BBS12: variants seen among roughly 807,000 people sequenced by gnomAD.
The protein encoded by BBS12 is Bardet-Biedl syndrome 12.
BBS12 carries 5 observed loss-of-function variants against 5.6 expected under a neutral mutation model. That is an observed-to-expected ratio of 0.89 (90% CI 0.46 to 1.86). BBS12 has a LOEUF of 1.86. Ranked by LOEUF, BBS12 falls within the 40% of genes most tolerant of loss-of-function variation. The probability of loss-of-function intolerance (pLI) is 0.01; values close to 1 mark genes in which losing one functional copy is unlikely to be tolerated. For missense variants in BBS12, 748 were observed against 830.4 expected, an observed-to-expected ratio of 0.90 and a Z score of 1.22; for synonymous variants, 308 against 306.8, an observed-to-expected ratio of 1.00 and a Z score of -0.04.
the BBS12 span, among the ~76,000 whole-genome samples, chr4:122,719,041 G>A: frequency 2.6e-5 from 4 of 152,028 alleles, no homozygotes; most frequent in South Asian, 4.1e-4. Flanking sequence ...GGATGGTCTC[G>A]ATCTCCTGAC....
At chr4:122,711,369 A>C in the BBS12 span, among the ~76,000 whole-genome samples, 1 of 152,152 alleles carries the variant, frequency 6.6e-6, no homozygotes, top group Non-Finnish European at 1.5e-5. Context: ...GAAAAAAAAA[A>C]AAAAAGGAAG....
chr4:122,734,290 G>A (rs976322161), intron 1 of BBS12, among the ~76,000 whole-genome samples: 4 of 150,460 alleles, frequency 2.7e-5, no homozygotes, highest in Non-Finnish European at 4.4e-5. Context: ...TTTTGAGACC[G>A]AGTCCTGCTC....
the BBS12 span, among the ~76,000 whole-genome samples, chr4:122,716,704 T>A: frequency 7.6e-6 from 1 of 131,690 alleles, no homozygotes; most frequent in Non-Finnish European, 1.6e-5. Flanking sequence ...TGTGTGTGTA[T>A]ACATACACAT....
the BBS12 span, among the ~76,000 whole-genome samples, chr4:122,721,111 CA>C: frequency 6.6e-6 from 1 of 151,932 alleles, no homozygotes; most frequent in Non-Finnish European, 1.5e-5. Context: ...AAATATTATT[CA>C]AAAAAGGAGG....
chr4:122,702,158 G>A, the BBS12 span, among the ~76,000 whole-genome samples: 2 of 152,142 alleles, frequency 1.3e-5, no homozygotes, highest in Non-Finnish European at 2.9e-5. Flanking sequence ...GCTCACTGCA[G>A]CCTTGAACTT....
upstream of BBS12, chr4:122,730,956 C>T (rs1800689458): frequency 6.6e-6 from 1 of 151,960 alleles, no homozygotes; most frequent in South Asian, 2.1e-4. Context: ...CTTTTTTACT[C>T]TTTTAAAAAA....
rs765761292 is a variant in BBS12, at chr4:122,742,055, A to C, written c.163A>C (p.Arg55=). The C allele has an allele frequency of 6.2e-7, 1 of 1,614,172 alleles. No homozygotes were observed. The highest frequency in any genetic ancestry group is 8.5e-7 in the Non-Finnish European group (1 of 1,180,012). The change falls in exon 2 of 2, where the codon AGG becomes CGG. Residue 55 remains arginine, a synonymous_variant. Transcript: ENST00000314218. ...AAGTGTATTAATCAGTTCAACAGTA[A>C]GGCTTCTTGAAAGTTTGGATTTAAC... ...HESVLISSTV[R]LLESLDLTSA...
At chr4:122,708,858 C>A in the BBS12 span, among the ~76,000 whole-genome samples, 1 of 143,304 alleles carries the variant, frequency 7.0e-6, no homozygotes. Context: ...TACAGCAAGT[C>A]AAAAAGCTGT....
At position 122,743,516 on chromosome 4, in the gene BBS12, G is replaced by C; in HGVS notation, c.1624G>C (p.Val542Leu). ...AAAGGTCTTCCTTGGAGGTGGTGCA[G>C]TTGAATTTTTGTGTCTTAGCTGTCT... is the stretch of plus-strand genomic sequence containing the variant. ...EEKVFLGGGA[V>L]EFLCLSCLHI... Residue 542 changes from valine (V) to leucine (L), a missense_variant, in exon 2 of 2, where the codon GTT becomes CTT. By Grantham distance (32) the Val-to-Leu change is conservative. Coordinates refer to ENST00000314218, the MANE Select transcript of BBS12 (RefSeq NM_152618.3). 5.0e-6 allele frequency: 8 copies of C among 1,614,236 alleles called. No individual in the cohort carries two copies. The highest frequency in any genetic ancestry group is 6.8e-6 in the Non-Finnish European group (8 of 1,180,036).
At chr4:122,739,846 T>A (rs751695723) in intron 1 of BBS12, among the ~76,000 whole-genome samples, 1 of 152,240 alleles carries the variant, frequency 6.6e-6, no homozygotes, top group Non-Finnish European at 1.5e-5. Flanking sequence ...ATGCCCCCGC[T>A]CCCTTTAAGG....
the BBS12 span, among the ~76,000 whole-genome samples, chr4:122,716,641 ACACGTGTGTGTATATGCACATAC>A: frequency 5.0e-3 from 454 of 91,328 alleles, 14 homozygotes; most frequent in African/African-American, 0.015. Context: ...ATGTATATAC[ACACGTGTGTGTATATGCACATAC>A]ACATATGTGT....
the BBS12 span, among the ~76,000 whole-genome samples, chr4:122,724,707 T>C: frequency 6.6e-6 from 1 of 152,190 alleles, no homozygotes; most frequent in Non-Finnish European, 1.5e-5. Flanking sequence ...AATCACAAAG[T>C]CCTGAATATG....
chr4:122,733,062 C>G (rs1286825869), intron 1 of BBS12, among the ~76,000 whole-genome samples, 178 bp downstream of exon 1: 1 of 152,140 alleles, frequency 6.6e-6, no homozygotes, highest in Non-Finnish European at 1.5e-5. Context: ...GAAGAGGGGA[C>G]TGCCCTTTCT....
chr4:122,737,115 G>C (rs1035958465), intron 1 of BBS12, among the ~76,000 whole-genome samples: 1 of 152,122 alleles, frequency 6.6e-6, no homozygotes, highest in Non-Finnish European at 1.5e-5. Flanking sequence ...TTCGCTCTAA[G>C]TTCTCTCTGA....
the BBS12 span, among the ~76,000 whole-genome samples, chr4:122,715,628 T>C: frequency 6.6e-6 from 1 of 152,216 alleles, no homozygotes; most frequent in Non-Finnish European, 1.5e-5. Flanking sequence ...TTGTAAGTGA[T>C]ATCCTGGAAT....
intron 1 of BBS12, among the ~76,000 whole-genome samples, chr4:122,735,571 A>T (rs1350094423): frequency 6.6e-6 from 1 of 152,226 alleles, no homozygotes; most frequent in Admixed American, 6.5e-5. Context: ...AACTCCAAGG[A>T]TGGTTAAAAC....
At position 122,742,702 on chromosome 4, in the gene BBS12, G is replaced by T; in HGVS notation, c.810G>T (p.Glu270Asp). 3.7e-6 allele frequency: 6 copies of T among 1,614,238 alleles called. No homozygotes were observed. The highest frequency in any genetic ancestry group is 4.2e-6 in the Non-Finnish European group (5 of 1,180,036). ...HKTYRCNDLV[E>D]LAVGLSHGDH... ...CTTACAGATGTAATGATTTGGTAGA[G>T]TTGGCAGTAGGCTTGAGTCATGGAG... Residue 270 changes from glutamate to aspartate, a missense_variant, in exon 2 of 2, where the codon GAG becomes GAT. Physicochemically the swap from Glu to Asp is conservative, Grantham distance 45. Coordinates refer to ENST00000314218, the MANE Select transcript of BBS12 (RefSeq NM_152618.3).
At chr4:122,707,830 A>T in the BBS12 span, among the ~76,000 whole-genome samples, 1 of 152,090 alleles carries the variant, frequency 6.6e-6, no homozygotes, top group East Asian at 1.9e-4. Flanking sequence ...GCAAGAGAGG[A>T]AAGGGGAAAA....
the BBS12 span, among the ~76,000 whole-genome samples, chr4:122,716,481 C>T: frequency 4.5e-5 from 6 of 133,182 alleles, no homozygotes; most frequent in East Asian, 1.7e-3. Context: ...CAGACATCTT[C>T]AAAATTGGAT....
Sources: gnomAD v4.1 joint callset for allele counts (sites outside exome capture counted in the v4.1 genomes callset) on GRCh38, gnomAD v4.1.1 for gene constraint, MANE v1.5 for transcripts, NCBI Gene and HGNC (gene_info 2026-07-23, HGNC 2026-07-21) for gene names.